PTPRM: variants seen among roughly 807,000 people sequenced by gnomAD.
PTPRM encodes protein tyrosine phosphatase receptor type M, also known as receptor-type tyrosine-protein phosphatase mu.
PTPRM carries 47 observed loss-of-function variants against 186.7 expected under a neutral mutation model. The observed-to-expected ratio is 0.25, with a 90% CI of 0.20 to 0.32. The LOEUF (loss-of-function observed/expected upper bound fraction) is 0.32, where lower values mean the gene tolerates loss of function less well. Ranked by LOEUF, PTPRM falls within the 10% of genes least tolerant of loss-of-function variation. The probability of loss-of-function intolerance (pLI) is 1.00; values close to 1 mark genes in which losing one functional copy is unlikely to be tolerated. For missense variants in PTPRM, 1,494 were observed against 1,865.0 expected (o/e 0.80, Z 3.66); for synonymous variants, 668 against 674.9 (o/e 0.99, Z 0.16).
chr18:8,166,732 T>A (rs2093329334), intron 14 of PTPRM, among the ~76,000 whole-genome samples: 2 of 152,222 alleles, frequency 1.3e-5, no homozygotes, highest in African/African-American at 4.8e-5. Context: ...CATATTCTGT[T>A]GTCCTGTTTT....
intron 13 of PTPRM, among the ~76,000 whole-genome samples, chr18:8,117,703 T>C (rs1369108479): frequency 2.0e-5 from 3 of 152,124 alleles, no homozygotes; most frequent in African/African-American, 7.2e-5. Context: ...TTCCTATAGG[T>C]ACAAGTTAAC....
At chr18:8,003,536 T>C (rs565607076) in intron 7 of PTPRM, among the ~76,000 whole-genome samples, 2 of 152,356 alleles carry the variant, frequency 1.3e-5, no homozygotes, top group South Asian at 4.1e-4. Context: ...ATCTGATGAC[T>C]ACACTTGCAG....
At chr18:7,715,502 G>A (rs2040308071) in intron 1 of PTPRM, among the ~76,000 whole-genome samples, 1 of 152,160 alleles carries the variant, frequency 6.6e-6, no homozygotes, top group Admixed American at 6.5e-5. Flanking sequence ...GGAAGTGCTG[G>A]CCAGGGCAAT....
At chr18:8,126,002 TATATATATATATATATATATATATA>T (rs2092337812) in intron 13 of PTPRM, among the ~76,000 whole-genome samples, 4 of 18,056 alleles carry the variant, frequency 2.2e-4, no homozygotes, top group Non-Finnish European at 6.6e-4. Context: ...TATATATATA[TATATATATATATATATATATATATA>T]TTTTAAATCA....
At position 8,004,465 on chromosome 18, in the gene PTPRM, TA is replaced by T. The variant is rs907123475; in HGVS notation, c.1132+49064del. Among the ~76,000 whole-genome samples the T allele has an allele frequency of 3.2e-3, 455 of 141,178 alleles. 2 individuals are homozygous for T. The highest frequency in any genetic ancestry group is 4.0e-3 in the African/African-American group (152 of 38,452). The allele number at this position is 141,178 out of a possible 152,430, so 92.6% of individuals were successfully genotyped here. ...GTTTGCCTGCCTATCTAGTGAACTTTAAAAAAAAAAAAAGAAAATGTTCTAA... is the reference window on the plus strand; with the variant it reads ...GTTTGCCTGCCTATCTAGTGAACTTTAAAAAAAAAAAAGAAAATGTTCTAA... On this transcript the variant is annotated intron_variant, in intron 7 of 32. Transcript: ENST00000580170.
At chr18:7,747,829 A>G (rs1357334268) in intron 1 of PTPRM, among the ~76,000 whole-genome samples, 10 of 152,200 alleles carry the variant, frequency 6.6e-5, no homozygotes, top group African/African-American at 9.6e-5. Context: ...GGAGTACAAC[A>G]TAAGAATCTG....
intron 2 of PTPRM, among the ~76,000 whole-genome samples, chr18:7,867,391 T>G (rs752385314): frequency 6.6e-6 from 1 of 152,216 alleles, no homozygotes; most frequent in Non-Finnish European, 1.5e-5. Flanking sequence ...ATTGCAGGCC[T>G]GGTGGTAACA....
chr18:8,338,316 A>C (rs1678049572), intron 22 of PTPRM, among the ~76,000 whole-genome samples: 2 of 151,314 alleles, frequency 1.3e-5, no homozygotes, highest in Admixed American at 6.6e-5. Flanking sequence ...AATTAAAAAA[A>C]ATGAAAACCT....
chr18:8,317,564 A>T (rs545605458), intron 21 of PTPRM, among the ~76,000 whole-genome samples: 2 of 152,170 alleles, frequency 1.3e-5, no homozygotes, highest in East Asian at 3.9e-4. Flanking sequence ...ATGAGAGCAG[A>T]TGGAGGAAAA....
At chr18:7,769,543 G>A (rs775412058) in intron 1 of PTPRM, among the ~76,000 whole-genome samples, 4 of 152,112 alleles carry the variant, frequency 2.6e-5, no homozygotes, top group Non-Finnish European at 5.9e-5. Context: ...GATAAATTCC[G>A]GTACATGAAC....
At chr18:8,281,485 G>T (rs1183721765) in intron 19 of PTPRM, among the ~76,000 whole-genome samples, 1 of 152,190 alleles carries the variant, frequency 6.6e-6, no homozygotes, top group African/African-American at 2.4e-5. Context: ...GGCCACTGCT[G>T]CTTGTGGTTC....
At chr18:7,652,254 C>T (rs1412573433) in intron 1 of PTPRM, among the ~76,000 whole-genome samples, 4 of 152,150 alleles carry the variant, frequency 2.6e-5, no homozygotes, top group African/African-American at 9.7e-5. Context: ...CAGGAAACAA[C>T]AGGTGCTGGA....
At chr18:7,745,106 C>G (rs1344967692) in intron 1 of PTPRM, among the ~76,000 whole-genome samples, 2 of 151,920 alleles carry the variant, frequency 1.3e-5, no homozygotes, top group African/African-American at 2.4e-5. Flanking sequence ...AACATTCCAT[C>G]TTCTCTGCTG....
At chr18:8,222,837 C>T (rs903813012) in intron 14 of PTPRM, among the ~76,000 whole-genome samples, 5 of 152,114 alleles carry the variant, frequency 3.3e-5, no homozygotes, top group Admixed American at 6.5e-5. Flanking sequence ...CACCTTTAAT[C>T]CCAGCTGATC....
At chr18:8,265,750 C>T (rs971849863) in intron 19 of PTPRM, among the ~76,000 whole-genome samples, 6 of 152,150 alleles carry the variant, frequency 3.9e-5, no homozygotes, top group African/African-American at 7.2e-5. Context: ...TTCCTCTCTG[C>T]GAACTCTCTA....
chr18:7,951,052 T>C (rs551828689), intron 6 of PTPRM, among the ~76,000 whole-genome samples: 1 of 152,196 alleles, frequency 6.6e-6, no homozygotes, highest in East Asian at 1.9e-4. Context: ...CATTAAGATA[T>C]CTACTCGGAT....
chr18:7,724,368 A>G (rs2040505649), intron 1 of PTPRM, among the ~76,000 whole-genome samples: 1 of 152,206 alleles, frequency 6.6e-6, no homozygotes, highest in African/African-American at 2.4e-5. Flanking sequence ...ATTTAAAAAT[A>G]AAAAATTTAC....
At chr18:8,134,019 C>T (rs2092577683) in intron 13 of PTPRM, among the ~76,000 whole-genome samples, 1 of 152,064 alleles carries the variant, frequency 6.6e-6, no homozygotes, top group African/African-American at 2.4e-5. Context: ...AATAACTGAC[C>T]TCTCTAGTGT....
At chr18:8,040,938 A>T (rs902640609) in intron 7 of PTPRM, among the ~76,000 whole-genome samples, 2 of 152,206 alleles carry the variant, frequency 1.3e-5, no homozygotes, top group African/African-American at 2.4e-5. Flanking sequence ...ACATTTCTTT[A>T]GCATATATTT....
Sources: allele counts gnomAD v4.1 joint callset (sites outside exome capture counted in the v4.1 genomes callset), GRCh38; gene constraint gnomAD v4.1.1; transcripts MANE v1.5; gene names NCBI Gene and HGNC (gene_info 2026-07-23, HGNC 2026-07-21).